The following CDKAL1 variants were observed in gnomAD, a reference collection of about 807,000 sequenced individuals.
The protein encoded by CDKAL1 is CDKAL1 threonylcarbamoyladenosine tRNA methylthiotransferase.
CDKAL1 carries 32 observed loss-of-function variants against 68.2 expected under a neutral mutation model. The observed-to-expected ratio is 0.47, with a 90% CI of 0.35 to 0.63. The LOEUF is 0.63. Ranked by LOEUF, CDKAL1 falls within the 30% of genes least tolerant of loss-of-function variation. The pLI, the probability that CDKAL1 is intolerant of heterozygous loss-of-function variation, is 0.00. For synonymous variants in CDKAL1, 234 were observed against 244.3 expected, an observed-to-expected ratio of 0.96 and a Z score of 0.39; for missense variants, 606 against 696.7, an observed-to-expected ratio of 0.87 and a Z score of 1.47.
At chr6:20,801,384 A>G (rs1776358235) in intron 8 of CDKAL1, among the ~76,000 whole-genome samples, 1 of 152,260 alleles carries the variant, frequency 6.6e-6, no homozygotes, top group Non-Finnish European at 1.5e-5. Flanking sequence ...CAAAGTCGAA[A>G]AAATTTTACA....
At chr6:21,054,696 C>G (rs1438453224) in intron 11 of CDKAL1, among the ~76,000 whole-genome samples, 2 of 152,128 alleles carry the variant, frequency 1.3e-5, no homozygotes, top group African/African-American at 4.8e-5. Context: ...CTTTCTTTCT[C>G]AAACGTATTC....
chr6:20,651,106 T>A (rs1217364395), intron 5 of CDKAL1, among the ~76,000 whole-genome samples: 1 of 152,216 alleles, frequency 6.6e-6, no homozygotes, highest in Non-Finnish European at 1.5e-5. Flanking sequence ...CAATGGTAGT[T>A]TAATGGGAAT....
At chr6:20,968,154 G>GT (rs572253126) in intron 10 of CDKAL1, among the ~76,000 whole-genome samples, 3,035 of 139,414 alleles carry the variant, frequency 0.022, 55 homozygotes, top group Admixed American at 0.064. Context: ...TTTGTTCTGG[G>GT]TTTTTTTTTT....
At chr6:20,943,906 G>A (rs1764110343) in intron 9 of CDKAL1, among the ~76,000 whole-genome samples, 1 of 152,122 alleles carries the variant, frequency 6.6e-6, no homozygotes, top group Non-Finnish European at 1.5e-5. Context: ...GGGCAAAATA[G>A]TGAGGTTCTG....
At chr6:20,585,287 C>T (rs954824374) in intron 4 of CDKAL1, among the ~76,000 whole-genome samples, 11 of 152,032 alleles carry the variant, frequency 7.2e-5, no homozygotes, top group Non-Finnish European at 1.2e-4. Flanking sequence ...CTCCTGACCT[C>T]GTGATCCGCC....
chr6:21,221,354 G>A (rs772522341), intron 15 of CDKAL1, among the ~76,000 whole-genome samples: 1 of 151,570 alleles, frequency 6.6e-6, no homozygotes, highest in Non-Finnish European at 1.5e-5. Flanking sequence ...TTAGCCTCCC[G>A]AGTAGCTGGG....
At chr6:21,136,613 T>C (rs1200676785) in intron 13 of CDKAL1, among the ~76,000 whole-genome samples, 1 of 152,178 alleles carries the variant, frequency 6.6e-6, no homozygotes, top group Non-Finnish European at 1.5e-5. Flanking sequence ...ACTCATTAAT[T>C]ATTTCATTCA....
chr6:20,786,802 C>T (rs1030114737), intron 8 of CDKAL1, among the ~76,000 whole-genome samples: 16 of 152,090 alleles, frequency 1.1e-4, no homozygotes, highest in African/African-American at 3.9e-4. Flanking sequence ...GCCTTGACTC[C>T]CTTATTTTTT....
Position 20,712,659 on chromosome 6 carries a change from T to A in CDKAL1, c.372-26860T>A, listed in dbSNP as rs1162723662. ...CAAGAAAAAGTTATATAACTTTTTT[T>A]TTTGAGATGGAGTCTCACTCTGTCG... On this transcript the variant is annotated intron_variant, in intron 5 of 15. Transcript: ENST00000274695. 2.0e-5 allele frequency among the ~76,000 whole-genome samples: 3 copies of A among 152,228 alleles called. No individual in the cohort carries two copies. The East Asian group carries it at 5.8e-4, about 29-fold the overall frequency.
At chr6:20,913,298 G>A (rs182241844) in intron 9 of CDKAL1, among the ~76,000 whole-genome samples, 42 of 152,232 alleles carry the variant, frequency 2.8e-4, no homozygotes, top group Middle Eastern at 3.4e-3. Flanking sequence ...CTCACATGGG[G>A]CAGGATCTGC....
chr6:20,942,983 A>G (rs1034108960), intron 9 of CDKAL1, among the ~76,000 whole-genome samples: 6 of 149,032 alleles, frequency 4.0e-5, no homozygotes, highest in African/African-American at 1.5e-4. Flanking sequence ...TAAAAATTAT[A>G]TTTTATATAT....
intron 5 of CDKAL1, among the ~76,000 whole-genome samples, chr6:20,651,731 C>T (rs1051541542): frequency 6.6e-6 from 1 of 152,080 alleles, no homozygotes; most frequent in Non-Finnish European, 1.5e-5. Context: ...TCTGTTCCAT[C>T]AATACTTAGT....
At chr6:21,018,747 T>G (rs916514958) in intron 11 of CDKAL1, among the ~76,000 whole-genome samples, 1 of 152,204 alleles carries the variant, frequency 6.6e-6, no homozygotes, top group African/African-American at 2.4e-5. Context: ...TTTCTGTTAT[T>G]ACGTTTATGA....
intron 8 of CDKAL1, among the ~76,000 whole-genome samples, chr6:20,802,960 T>A (rs1209194600): frequency 6.6e-6 from 1 of 152,190 alleles, no homozygotes; most frequent in Non-Finnish European, 1.5e-5. Context: ...TAACATGTTA[T>A]CTTGACAGAT....
At chr6:20,888,131 G>A (rs1255703694) in intron 9 of CDKAL1, among the ~76,000 whole-genome samples, 4 of 151,456 alleles carry the variant, frequency 2.6e-5, no homozygotes, top group African/African-American at 4.9e-5. Context: ...CCGCATTCCC[G>A]CACCCCATGA....
At chr6:20,854,672 A>G (rs1759226823) in intron 9 of CDKAL1, among the ~76,000 whole-genome samples, 1 of 152,230 alleles carries the variant, frequency 6.6e-6, no homozygotes, top group Non-Finnish European at 1.5e-5. Flanking sequence ...CAGAGTATGT[A>G]TAGTCCAACG....
intron 8 of CDKAL1, among the ~76,000 whole-genome samples, chr6:20,805,614 T>C (rs980348993): frequency 6.6e-6 from 1 of 152,208 alleles, no homozygotes; most frequent in African/African-American, 2.4e-5. Context: ...GCTTTAACAT[T>C]AGCAGACTAA....
At chr6:20,968,826 G>A (rs577152286) in intron 10 of CDKAL1, among the ~76,000 whole-genome samples, 1 of 151,792 alleles carries the variant, frequency 6.6e-6, no homozygotes, top group African/African-American at 2.4e-5. Flanking sequence ...CTTAATTCTT[G>A]GGACATGGTT....
intron 13 of CDKAL1, among the ~76,000 whole-genome samples, chr6:21,110,044 T>C (rs1052282623): frequency 4.6e-5 from 7 of 152,220 alleles, no homozygotes; most frequent in African/African-American, 1.7e-4. Context: ...CCTTCATTCC[T>C]CTACAACTTA....
Sources: allele counts gnomAD v4.1 joint callset (sites outside exome capture counted in the v4.1 genomes callset), GRCh38; gene constraint gnomAD v4.1.1; transcripts MANE v1.5; gene names NCBI Gene and HGNC (gene_info 2026-07-23, HGNC 2026-07-21).